Variants in SIRT7 observed in about 807,000 individuals in gnomAD.
SIRT7 encodes the protein sirtuin 7.
In SIRT7, 32 loss-of-function variants were observed where a neutral mutation model predicts 42.8. The ratio of observed to expected loss-of-function variants is 0.75; its 90% CI spans 0.56 to 1.00. The LOEUF is 1.00. Among genes scored for constraint, SIRT7 ranks in the 50% least tolerant of loss-of-function variants. The pLI is 0.00. For synonymous variants in SIRT7, 297 were observed against 245.2 expected, an observed-to-expected ratio of 1.21 and a Z score of -1.97; for missense variants, 553 against 572.2, an observed-to-expected ratio of 0.97 and a Z score of 0.34.
intron 3 of SIRT7, 84 bp from the exon 4 acceptor site, chr17:81,915,765 TC>T: frequency 6.9e-7 from 1 of 1,453,748 alleles, no homozygotes; most frequent in African/African-American, 1.4e-5. Context: ...AAAGCCACTG[TC>T]ACTCCTGCCG....
chr17:81,913,729 C>T lies in SIRT7; in HGVS notation c.1004+45G>A. On this transcript the variant is annotated intron_variant, in intron 9 of 9. Transcript: ENST00000328666. This position sits in a 1 kb window ranked among gnomAD's most constrained non-coding sequence, Gnocchi z 5.0. Reference sequence around the variant, plus strand: ...ACGAGAGAAGACAGACAAGGCCCAGCACACAGAGGTGCGGGGAAGCAGGCT... The same window carrying T: ...ACGAGAGAAGACAGACAAGGCCCAGTACACAGAGGTGCGGGGAAGCAGGCT... The T allele has an allele frequency of 6.8e-7, 1 of 1,479,754 alleles. No individual in the cohort carries two copies. The highest frequency in any genetic ancestry group is 9.2e-7 in the Non-Finnish European group (1 of 1,084,660). The allele number at this position is 1,479,754 out of a possible 1,614,324, so 91.7% of individuals were successfully genotyped here. A position where few individuals can be genotyped will look rare whatever the true frequency, so the allele number is the denominator to read the frequency against.
chr17:81,912,486 G>A lies in SIRT7; in HGVS notation c.1133C>T (p.Ser378Leu), dbSNP rs753775333. Residue 378 changes from serine to leucine, a missense_variant, in exon 10 of 10, where the codon TCG becomes TTG. By Grantham distance (145) the Ser-to-Leu change is moderately radical. Coordinates refer to ENST00000328666, the MANE Select transcript of SIRT7 (RefSeq NM_016538.3). ...AAACCAGCCCCCTAGGATGGGGGCC[G>A]AGCTAAGCGGTGCACCCCGGTCCCC... Reference protein sequence around the residue: ...PPGDRGAPLSSAPILGGWFGR... With the variant: ...PPGDRGAPLSLAPILGGWFGR... The A allele has an allele frequency of 1.1e-5, 18 of 1,613,812 alleles. No homozygotes were observed. Among genetic ancestry groups the A allele is most frequent in the African/African-American group, 2.7e-5 (2 of 74,936 alleles).
rs1414252303 is a variant in SIRT7 at position 81,912,110 on chromosome 17, A to G, written c.*306T>C. The G allele has an allele frequency of 4.3e-6, 2 of 463,246 alleles. No homozygotes were observed. Among genetic ancestry groups the G allele is most frequent in the African/African-American group, 2.0e-5 (1 of 50,300 alleles). 28.7% of individuals were successfully genotyped at this position (463,246 alleles called of 1,614,324 possible). A position where few individuals can be genotyped will look rare whatever the true frequency, so the allele number is the denominator to read the frequency against. ...TGAGACTGGCCTGGTGAGCGAGGAAAGGCCGCTGGGCGCTTCCACTCTGCA... is the reference window on the plus strand; with the variant it reads ...TGAGACTGGCCTGGTGAGCGAGGAAGGGCCGCTGGGCGCTTCCACTCTGCA... On this transcript the variant is annotated 3_prime_UTR_variant, in exon 10 of 10. Transcript: ENST00000328666.
rs902151742 is a variant in SIRT7 at position 81,913,549 on chromosome 17, C to T, written c.1004+225G>A. 1.8e-5 allele frequency: 10 copies of T among 541,936 alleles called. No homozygotes were observed. In the African/African-American group the frequency reaches 1.9e-4, roughly 10 times the overall value. The allele number at this position is 541,936 out of a possible 1,614,324, so 33.6% of individuals were successfully genotyped here. On this transcript the variant is annotated intron_variant, in intron 9 of 9. Coordinates refer to ENST00000328666, the MANE Select transcript of SIRT7 (RefSeq NM_016538.3). The surrounding 1 kb of genome is among the most constrained non-coding windows in gnomAD (Gnocchi z 5.0). The stretch of plus-strand genomic sequence containing the variant: ...GAGCACGCGGGCAGAATCCCTCTCC[C>T]CGCGGGGATTGTGTGTGCCACATCA...
chr17:81,914,560 C>CGT (rs779977503), intron 6 of SIRT7, 30 bp from the exon 7 acceptor site: 1 of 1,612,546 alleles, frequency 6.2e-7, no homozygotes, highest in South Asian at 1.1e-5. Flanking sequence ...GTGAGTGGGA[C>CGT]CCGCCTGCCC....
chr17:81,913,523 G>GGAGCAC lies in SIRT7; in HGVS notation c.1004+245_1004+250dup, dbSNP rs1218569923. On this transcript the variant is annotated intron_variant, in intron 9 of 9. Coordinates refer to ENST00000328666, the MANE Select transcript of SIRT7 (RefSeq NM_016538.3). The surrounding 1 kb of genome is among the most constrained non-coding windows in gnomAD (Gnocchi z 5.0). ...GAGCTCCACGGGGAGGCCTGGAGCA[G>GGAGCAC]GAGCACGCGGGCAGAATCCCTCTCC... The GGAGCAC allele has an allele frequency of 2.0e-6, 1 of 500,862 alleles. No individual in the cohort carries two copies. The highest frequency in any genetic ancestry group is 3.8e-5 in the East Asian group (1 of 26,658). The allele number at this position is 500,862 out of a possible 1,614,324, so 31.0% of individuals were successfully genotyped here. A position where few individuals can be genotyped will look rare whatever the true frequency, so the allele number is the denominator to read the frequency against.
intron 3 of SIRT7, 120 bp from the exon 4 acceptor site, chr17:81,915,801 G>T: frequency 1.8e-6 from 2 of 1,124,832 alleles, no homozygotes; most frequent in Non-Finnish European, 2.6e-6. Flanking sequence ...CTGCATGTTG[G>T]CCTCTATTCA....
At chr17:81,915,274 G>A (rs2143787899) in intron 5 of SIRT7, 166 bp downstream of exon 5, 1 of 698,200 alleles carries the variant, frequency 1.4e-6, no homozygotes, top group South Asian at 1.7e-5. Flanking sequence ...CTTCTGTCCT[G>A]GAGAGTCAAG....
rs375370955 is a variant in SIRT7 at position 81,912,394 on chromosome 17, C to A, written c.*22G>T. 9 of 1,613,962 alleles carry A rather than the reference C, an allele frequency of 5.6e-6. No homozygotes were observed. The highest frequency in any genetic ancestry group is 7.6e-6 in the Non-Finnish European group (9 of 1,180,030). On this transcript the variant is annotated 3_prime_UTR_variant, in exon 10 of 10. Coordinates refer to ENST00000328666, the MANE Select transcript of SIRT7 (RefSeq NM_016538.3). ...ACACTGGCCATCTGCAAAGTGCCAACTGTTCTTCATCGAGCACGTGATTAC... is the reference window on the plus strand; with the variant it reads ...ACACTGGCCATCTGCAAAGTGCCAAATGTTCTTCATCGAGCACGTGATTAC...
chr17:81,912,729 G>T, intron 9 of SIRT7, 115 bp from the exon 10 acceptor site: 2 of 1,137,408 alleles, frequency 1.8e-6, no homozygotes, highest in Non-Finnish European at 2.6e-6. Context: ...TCCCTCCCGT[G>T]TCAACTGCGG....
chr17:81,912,421 T>A lies in SIRT7; in HGVS notation c.1198A>T (p.Thr400Ser). The stretch of plus-strand genomic sequence containing the variant: ...GTTCTTCATCGAGCACGTGATTACG[T>A]CACTTTCTTCCTTTTTGTGCGTTTT... ...CTKRTKRKKV[T>S] Residue 400 changes from threonine (T) to serine (S), a missense_variant, in exon 10 of 10, where the codon ACG becomes TCG. Physicochemically the swap from Thr to Ser is moderately conservative, Grantham distance 58. Transcript: ENST00000328666. The A allele has an allele frequency of 6.2e-7, 1 of 1,614,100 alleles. No individual in the cohort carries two copies. Among genetic ancestry groups the A allele is most frequent in the Non-Finnish European group, 8.5e-7 (1 of 1,180,020 alleles).
Position 81,913,137 on chromosome 17 carries a change from C to A in SIRT7, c.1005-523G>T. ...GATACGCACTGATAAGGAAAATGAG[C>A]TAAGTTAATGTAAAAAAAAAATACA... On this transcript the variant is annotated intron_variant, in intron 9 of 9. Coordinates refer to ENST00000328666, the MANE Select transcript of SIRT7 (RefSeq NM_016538.3). The surrounding 1 kb of genome is among the most constrained non-coding windows in gnomAD (Gnocchi z 5.0). 1 of 376,936 alleles carries A rather than the reference C, an allele frequency of 2.7e-6. No individual in the cohort carries two copies. The allele number at this position is 376,936 out of a possible 1,614,324, so 23.3% of individuals were successfully genotyped here. A position where few individuals can be genotyped will look rare whatever the true frequency, so the allele number is the denominator to read the frequency against.
At chr17:81,914,040 G>T in intron 8 of SIRT7, 47 bp downstream of exon 8, 1 of 1,607,050 alleles carries the variant, frequency 6.2e-7, no homozygotes, top group Non-Finnish European at 8.5e-7. Context: ...CTGGCTGTGC[G>T]TTCTAAGACC....
chr17:81,917,660 C>T lies in SIRT7; in HGVS notation c.291G>A (p.Arg97=). Residue 97 remains arginine (R), a synonymous_variant, in exon 3 of 10, where the codon CGG becomes CGA. Transcript: ENST00000328666. ...GKVRELASAV[R]NAKYLVVYTG... is the part of the protein sequence containing the mutation. ...TGTAGACGACCAAGTATTTGGCGTT[C>T]CGGACGGCGCTGGCCAGCTCCCGGA... The T allele has an allele frequency of 6.2e-7, 1 of 1,608,264 alleles. No individual in the cohort carries two copies. The highest frequency in any genetic ancestry group is 1.1e-5 in the South Asian group (1 of 90,112).
rs192252962 is a variant in SIRT7 at position 81,913,097 on chromosome 17, A to G, written c.1005-483T>C. 1.5e-4 allele frequency: 52 copies of G among 355,916 alleles called. No individual in the cohort carries two copies. Among genetic ancestry groups the G allele is most frequent in the Admixed American group, 4.9e-4 (12 of 24,412 alleles). 22.0% of individuals were successfully genotyped at this position (355,916 alleles called of 1,614,324 possible). ...TGACGGAGATGCAGAACCACAGATC[A>G]TAACTTAAGATACAGATACGCACTG... On this transcript the variant is annotated intron_variant, in intron 9 of 9. Coordinates refer to ENST00000328666, the MANE Select transcript of SIRT7 (RefSeq NM_016538.3). The surrounding 1 kb of genome is among the most constrained non-coding windows in gnomAD (Gnocchi z 5.0).
intron 5 of SIRT7, chr17:81,914,981 G>A: frequency 1.9e-6 from 1 of 530,662 alleles, no homozygotes. Context: ...GCAAGGTTGG[G>A]AAGTGGCTCG....
Position 81,917,687 on chromosome 17 carries a change from CT to C in SIRT7, c.263del (p.Lys88ArgfsTer53). 6.2e-7 allele frequency: 1 copy of C among 1,604,888 alleles called. No homozygotes were observed. Among genetic ancestry groups the C allele is most frequent in the Non-Finnish European group, 8.5e-7 (1 of 1,176,562 alleles). On this transcript the variant is annotated frameshift_variant, in exon 3 of 10. Coordinates refer to ENST00000328666, the MANE Select transcript of SIRT7 (RefSeq NM_016538.3). LOFTEE classifies it high-confidence loss of function. The part of the protein sequence containing the change: ...VCDDPEELRG[K>X]VRELASAVRN... ...GGACGGCGCTGGCCAGCTCCCGGAC[CT>C]TCCCCCGCAGCTCCTCCGGGTCGTC...
At position 81,912,066 on chromosome 17, in the gene SIRT7, T is replaced by C. The variant is rs751444067; in HGVS notation, c.*350A>G. 6 of 385,298 alleles carry C rather than the reference T, an allele frequency of 1.6e-5. No homozygotes were observed. The highest frequency in any genetic ancestry group is 4.2e-5 in the African/African-American group (2 of 47,742). 23.9% of individuals were successfully genotyped at this position (385,298 alleles called of 1,614,324 possible). ...TTCACACTTTTTCATTAAGTAGTAG[T>C]AGAAATACGGTGAGGCCCTGAGACT... is the stretch of plus-strand genomic sequence containing the variant. On this transcript the variant is annotated 3_prime_UTR_variant, in exon 10 of 10. Transcript: ENST00000328666.
At chr17:81,917,487 C>T (rs1451537684) in intron 3 of SIRT7, 128 bp downstream of exon 3, 2 of 792,140 alleles carry the variant, frequency 2.5e-6, no homozygotes, top group African/African-American at 3.6e-5. Flanking sequence ...AAAGCGTTTA[C>T]CTTAGGTAAG....
Sources: allele counts gnomAD v4.1 joint callset, GRCh38; gene constraint gnomAD v4.1.1; non-coding constraint Gnocchi (gnomAD v3.1); transcripts MANE v1.5; gene names NCBI Gene and HGNC (gene_info 2026-07-23, HGNC 2026-07-21).